STRBP: variants seen among roughly 807,000 people sequenced by gnomAD.
The protein encoded by STRBP is spermatid perinuclear RNA-binding protein.
STRBP carries 13 observed loss-of-function variants against 80.1 expected under a neutral mutation model. The ratio of observed to expected loss-of-function variants is 0.16; its 90% confidence interval spans 0.11 to 0.26. STRBP has a LOEUF of 0.26. Among genes scored for constraint, STRBP ranks in the 10% least tolerant of loss-of-function variants. The probability of loss-of-function intolerance (pLI) is 1.00; values close to 1 mark genes in which losing one functional copy is unlikely to be tolerated. For synonymous variants in STRBP, 284 were observed against 291.2 expected, an observed-to-expected ratio of 0.98 and a Z score of 0.25; for missense variants, 485 against 815.2, an observed-to-expected ratio of 0.59 and a Z score of 4.93.
At position 123,169,948 on chromosome 9, in the gene STRBP, T is replaced by C. The variant is rs2037938119; in HGVS notation, c.489A>G (p.Ile163Met). Reference protein sequence around the residue: ...TKEPTLTLKVILTSPLIRDEL... With the variant: ...TKEPTLTLKVMLTSPLIRDEL... ...CGTCCCTAATTAGAGGTGAGGTAAG[T>C]ATCACCTTCAAAGTTAGCGTGGGCT... Residue 163 changes from isoleucine (I) to methionine (M), a missense_variant, in exon 6 of 19, where the codon ATA becomes ATG. By Grantham distance (10) the Ile-to-Met change is conservative. Coordinates refer to ENST00000348403, the MANE Select transcript of STRBP (RefSeq NM_018387.5). 1.2e-6 allele frequency: 2 copies of C among 1,606,748 alleles called. No individual in the cohort carries two copies. The highest frequency in any genetic ancestry group is 8.5e-7 in the Non-Finnish European group (1 of 1,177,256).
intron 1 of STRBP, among the ~76,000 whole-genome samples, chr9:123,245,416 G>C (rs2040780128): frequency 6.6e-6 from 1 of 152,178 alleles, no homozygotes; most frequent in Admixed American, 6.5e-5. Context: ...TTGAGACGTT[G>C]TCTCGCTCAG....
intron 2 of STRBP, among the ~76,000 whole-genome samples, chr9:123,200,134 A>G (rs544725814): frequency 1.3e-4 from 20 of 152,296 alleles, no homozygotes; most frequent in South Asian, 8.3e-4. Flanking sequence ...TGAGATGATC[A>G]TATGGCTTTT....
chr9:123,120,508 G>A (rs1160417893), downstream of STRBP, among the ~76,000 whole-genome samples: 5 of 128,238 alleles, frequency 3.9e-5, no homozygotes, highest in Non-Finnish European at 8.4e-5. Flanking sequence ...GGGGGGCAGG[G>A]GCGGGGAAAG....
intron 2 of STRBP, among the ~76,000 whole-genome samples, chr9:123,198,645 G>GCATGCAATTAT (rs1244330352): frequency 6.6e-6 from 1 of 152,032 alleles, no homozygotes; most frequent in East Asian, 1.9e-4. Context: ...TGTGCTTTCG[G>GCATGCAATTAT]GGTCTTAGCC....
intron 8 of STRBP, among the ~76,000 whole-genome samples, 157 bp downstream of exon 8, chr9:123,160,210 G>A (rs555378724): frequency 3.3e-5 from 5 of 152,280 alleles, no homozygotes; most frequent in Admixed American, 1.3e-4. Flanking sequence ...AGAAGAATTC[G>A]CTTAAAAAGA....
chr9:123,268,528 G>C lies in STRBP; in HGVS notation c.-394C>G, dbSNP rs890660664. On this transcript the variant is annotated 5_prime_UTR_variant, in exon 1 of 19. Coordinates refer to ENST00000348403, the MANE Select transcript of STRBP (RefSeq NM_018387.5). ...CTCGCGTCTCCGGCTCCTCTGCCCA[G>C]CGGCGGCGGCTGCGGCGGCTGCTGC... 1.2e-5 allele frequency: 2 copies of C among 167,460 alleles called. No homozygotes were observed. Among genetic ancestry groups the C allele is most frequent in the African/African-American group, 2.4e-5 (1 of 41,246 alleles). 10.4% of individuals were successfully genotyped at this position (167,460 alleles called of 1,614,324 possible). A position where few individuals can be genotyped will look rare whatever the true frequency, so the allele number is the denominator to read the frequency against.
At chr9:123,264,462 G>C in intron 1 of STRBP, among the ~76,000 whole-genome samples, 1 of 152,180 alleles carries the variant, frequency 6.6e-6, no homozygotes. Context: ...GGTAAATTAC[G>C]AAGTACTAAC....
chr9:123,176,600 G>A (rs2038230155), intron 4 of STRBP, among the ~76,000 whole-genome samples: 1 of 152,134 alleles, frequency 6.6e-6, no homozygotes, highest in African/African-American at 2.4e-5. Context: ...CAAGATAGTA[G>A]GAAAAGTATG....
At chr9:123,127,761 T>C (rs1211062388) in intron 18 of STRBP, among the ~76,000 whole-genome samples, 1 of 152,144 alleles carries the variant, frequency 6.6e-6, no homozygotes, top group African/African-American at 2.4e-5. Flanking sequence ...AGCAAAGTTA[T>C]GGAAAAGAAT....
At chr9:123,249,117 C>T (rs375629421) in intron 1 of STRBP, among the ~76,000 whole-genome samples, 11 of 152,220 alleles carry the variant, frequency 7.2e-5, no homozygotes, top group African/African-American at 2.4e-4. Context: ...ATGGCTCTCA[C>T]CTGTAATCCC....
intron 17 of STRBP, among the ~76,000 whole-genome samples, chr9:123,132,071 A>C (rs1389978230): frequency 6.6e-6 from 1 of 152,224 alleles, no homozygotes; most frequent in African/African-American, 2.4e-5. Flanking sequence ...TTAAAATGAC[A>C]TAAGAATTAG....
At chr9:123,174,120 T>C (rs1459381702) in intron 4 of STRBP, among the ~76,000 whole-genome samples, 3 of 152,254 alleles carry the variant, frequency 2.0e-5, no homozygotes, top group African/African-American at 7.2e-5. Flanking sequence ...TTCTCTTAAA[T>C]ATTTTTTCAA....
chr9:123,223,115 A>G (rs1462805110), intron 2 of STRBP, among the ~76,000 whole-genome samples: 1 of 152,138 alleles, frequency 6.6e-6, no homozygotes, highest in Non-Finnish European at 1.5e-5. Context: ...GCTCATCTAA[A>G]AAAAGCTATG....
At chr9:123,232,018 C>T (rs901764750) in intron 2 of STRBP, among the ~76,000 whole-genome samples, 3 of 152,166 alleles carry the variant, frequency 2.0e-5, no homozygotes, top group Admixed American at 6.5e-5. Flanking sequence ...TCTTTCAAAA[C>T]CCAACTTAGC....
intron 2 of STRBP, among the ~76,000 whole-genome samples, chr9:123,219,620 T>A (rs1165763469): frequency 1.3e-5 from 2 of 152,234 alleles, no homozygotes; most frequent in Non-Finnish European, 2.9e-5. Flanking sequence ...TAAATACTGT[T>A]AAATTGATGA....
At chr9:123,249,669 T>C (rs767697976) in intron 1 of STRBP, among the ~76,000 whole-genome samples, 1 of 152,182 alleles carries the variant, frequency 6.6e-6, no homozygotes, top group Non-Finnish European at 1.5e-5. Context: ...TAAATCTGTT[T>C]TTAAATTATT....
intron 2 of STRBP, among the ~76,000 whole-genome samples, chr9:123,216,784 T>A (rs990813771): frequency 7.9e-5 from 12 of 152,224 alleles, no homozygotes; most frequent in African/African-American, 2.9e-4. Context: ...CCATGTTCCA[T>A]AGAGTGTACA....
intron 13 of STRBP, among the ~76,000 whole-genome samples, chr9:123,143,461 C>A (rs921899075): frequency 6.6e-6 from 1 of 152,224 alleles, no homozygotes; most frequent in Non-Finnish European, 1.5e-5. Flanking sequence ...AGGTACAAAA[C>A]CCTCACCAAG....
At chr9:123,118,268 C>T (rs973604762), downstream of STRBP, among the ~76,000 whole-genome samples, 1 of 152,130 alleles carries the variant, frequency 6.6e-6, no homozygotes, top group African/African-American at 2.4e-5. Context: ...TCTCTCCTTC[C>T]CCTTCCCTTC....
Sources: gnomAD v4.1 joint callset for allele counts (sites outside exome capture counted in the v4.1 genomes callset) on GRCh38, gnomAD v4.1.1 for gene constraint, MANE v1.5 for transcripts, NCBI Gene and HGNC (gene_info 2026-07-23, HGNC 2026-07-21) for gene names.